Variants in FOLR3 observed in about 807,000 individuals in gnomAD.
The protein encoded by FOLR3 is folate receptor gamma, also known as folate receptor 3 (gamma).
A neutral mutation model predicts 20.0 loss-of-function variants in FOLR3; 9 were observed. The ratio of observed to expected loss-of-function variants is 0.45; its 90% CI spans 0.27 to 0.79. FOLR3 has a LOEUF of 0.79. FOLR3 is among the 30% of genes least tolerant of loss of function. The pLI is 0.15. For missense variants in FOLR3, 309 were observed against 323.5 expected (o/e 0.96, Z 0.34); for synonymous variants, 124 against 115.5 (o/e 1.07, Z -0.47).
intron 2 of FOLR3, 126 bp from the exon 3 acceptor site, chr11:72,138,835 G>T: frequency 9.2e-7 from 1 of 1,083,018 alleles, no homozygotes; most frequent in South Asian, 1.4e-5. Flanking sequence ...GTCCCCAGGT[G>T]GGAGCTCCTC....
At chr11:72,135,805 G>C in intron 1 of FOLR3, 37 bp downstream of exon 1, 1 of 856,598 alleles carries the variant, frequency 1.2e-6, no homozygotes, top group Admixed American at 2.0e-5. Context: ...TACACGCAGC[G>C]CATTTCTTGG....
chr11:72,135,789 C>T (rs1947734686), intron 1 of FOLR3, 21 bp downstream of exon 1: 2 of 753,140 alleles, frequency 2.7e-6, no homozygotes, highest in South Asian at 3.3e-5. Flanking sequence ...GGCTCCCTCT[C>T]ACCTCTACAC....
chr11:72,139,729 G>A lies in FOLR3; in HGVS notation c.636G>A (p.Met212Ile), dbSNP rs758461461. 1.2e-6 allele frequency: 2 copies of A among 1,614,000 alleles called. No homozygotes were observed. The highest frequency in any genetic ancestry group is 2.2e-5 in the South Asian group (2 of 91,080). ...YSRGSGRCIQ[M>I]WFDSAQGNPN... ...GAGGGAGCGGCCGCTGCATCCAGAT[G>A]TGGTTTGACTCAGCCCAGGGCAACC... Residue 212 changes from methionine (M) to isoleucine (I), a missense_variant, in exon 5 of 5, where the codon ATG becomes ATA. Coordinates refer to ENST00000611028, the MANE Select transcript of FOLR3 (RefSeq NM_000804.4).
chr11:72,139,588 G>A lies in FOLR3; in HGVS notation c.495G>A (p.Gly165=), dbSNP rs757546474. The change falls in exon 5 of 5, where the codon GGG becomes GGA. Residue 165 remains glycine, a splice_region_variant and synonymous_variant. Coordinates refer to ENST00000611028, the MANE Select transcript of FOLR3 (RefSeq NM_000804.4). The part of the protein sequence containing the change: ...NWHKGWNWTS[G]INECPAGALC... Reference sequence around the variant, plus strand: ...GGGTCTTACGTTCTCCTCCCTCAGGGATTAATGAGTGTCCGGCCGGGGCCC... The same window carrying A: ...GGGTCTTACGTTCTCCTCCCTCAGGAATTAATGAGTGTCCGGCCGGGGCCC... 6.2e-7 allele frequency: 1 copy of A among 1,613,934 alleles called. No individual in the cohort carries two copies. Among genetic ancestry groups the A allele is most frequent in the Admixed American group, 1.7e-5 (1 of 60,024 alleles).
chr11:72,138,238 T>C (rs577243982), intron 2 of FOLR3, among the ~76,000 whole-genome samples: 48 of 152,100 alleles, frequency 3.2e-4, no homozygotes, highest in Middle Eastern at 3.4e-3. Context: ...TGGTGGCACG[T>C]GCCTGTAATC....
intron 2 of FOLR3, among the ~76,000 whole-genome samples, chr11:72,137,714 G>A (rs577120309): frequency 6.6e-5 from 10 of 152,072 alleles, no homozygotes; most frequent in Admixed American, 6.5e-4. Context: ...GGCTGGTCTC[G>A]AACTTCTAAC....
intron 2 of FOLR3, among the ~76,000 whole-genome samples, chr11:72,137,351 G>C (rs745629583): frequency 6.6e-6 from 1 of 151,766 alleles, no homozygotes; most frequent in South Asian, 2.1e-4. Context: ...TAGCTCCTTC[G>C]TTCTCCACCA....
intron 2 of FOLR3, 39 bp downstream of exon 2, chr11:72,136,159 C>T: frequency 6.2e-7 from 1 of 1,606,812 alleles, no homozygotes; most frequent in Non-Finnish European, 8.5e-7. Flanking sequence ...GCACACAGGT[C>T]AGAGGGTGAT....
rs373698618 is a variant in FOLR3, at chr11:72,139,578, C to T, written c.494-9C>T. On this transcript the variant is annotated splice_polypyrimidine_tract_variant and intron_variant, in intron 4 of 4. Coordinates refer to ENST00000611028, the MANE Select transcript of FOLR3 (RefSeq NM_000804.4). ...CAGAAGCTAAGGGTCTTACGTTCTCCTCCCTCAGGGATTAATGAGTGTCCG... is the reference window on the plus strand; with the variant it reads ...CAGAAGCTAAGGGTCTTACGTTCTCTTCCCTCAGGGATTAATGAGTGTCCG... 6.9e-5 allele frequency: 111 copies of T among 1,613,770 alleles called. No individual in the cohort carries two copies. In the African/African-American group the frequency reaches 1.4e-3, roughly 21 times the overall value.
intron 1 of FOLR3, 45 bp from the exon 2 acceptor site, chr11:72,135,902 C>G: frequency 6.3e-7 from 1 of 1,582,662 alleles, no homozygotes; most frequent in Non-Finnish European, 8.7e-7. Context: ...TGGCTGTTGC[C>G]CCTGTCTCAG....
Position 72,139,592 on chromosome 11 carries a change from A to C in FOLR3, c.499A>C (p.Asn167His), listed in dbSNP as rs1947791163. The C allele has an allele frequency of 5.0e-6, 8 of 1,613,818 alleles. No homozygotes were observed. The highest frequency in any genetic ancestry group is 6.8e-6 in the Non-Finnish European group (8 of 1,179,872). The change falls in exon 5 of 5, where the codon AAT (asparagine) becomes CAT (histidine). Residue 167 changes from asparagine to histidine, a missense_variant. Asn to His is a moderately conservative substitution (Grantham distance 68). Coordinates refer to ENST00000611028, the MANE Select transcript of FOLR3 (RefSeq NM_000804.4). ...CTTACGTTCTCCTCCCTCAGGGATT[A>C]ATGAGTGTCCGGCCGGGGCCCTCTG... Reference protein sequence around the residue: ...HKGWNWTSGINECPAGALCST... With the variant: ...HKGWNWTSGIHECPAGALCST...
At chr11:72,139,276 C>T in intron 3 of FOLR3, 71 bp from the exon 4 acceptor site, 2 of 1,569,446 alleles carry the variant, frequency 1.3e-6, no homozygotes, top group Admixed American at 1.8e-5. Context: ...TCCCACAGCT[C>T]TGGTCCCCTT....
chr11:72,136,201 G>A, intron 2 of FOLR3, 81 bp downstream of exon 2: 1 of 1,523,882 alleles, frequency 6.6e-7, no homozygotes, highest in Non-Finnish European at 9.0e-7. Context: ...AGTGTGGTCA[G>A]AACCAAGGGT....
At chr11:72,139,888 A>ATGTGTCT in exon 5 of FOLR3, 4 of 1,590,634 alleles carry the variant, frequency 2.5e-6, no homozygotes, top group South Asian at 2.2e-5. Flanking sequence ...ACAAATCCAC[A>ATGTGTCT]TGTGTCTTGT....
In FOLR3 at chr11:72,139,089, C is replaced by T. The variant is rs1947781482; in HGVS notation, c.297C>T (p.His99=). The part of the protein sequence containing the change: ...CGKMEPTCKR[H]FIQDSCLYEC... ...AGATGGAACCCACCTGCAAGCGCCA[C>T]TTTATCCAGGACAGCTGTCTCTATG... Residue 99 remains histidine (H), a synonymous_variant, in exon 3 of 5, where the codon CAC becomes CAT. Coordinates refer to ENST00000611028, the MANE Select transcript of FOLR3 (RefSeq NM_000804.4). The T allele has an allele frequency of 1.9e-6, 3 of 1,570,890 alleles. No homozygotes were observed. Among genetic ancestry groups the T allele is most frequent in the South Asian group, 1.1e-5 (1 of 88,938 alleles).
At chr11:72,139,509 G>T (rs1947789738) in intron 4 of FOLR3, 27 bp downstream of exon 4, 1 of 1,613,348 alleles carries the variant, frequency 6.2e-7, no homozygotes, top group Admixed American at 1.7e-5. Context: ...ATAAGATGAG[G>T]AGTGGGAGTG....
Position 72,139,051 on chromosome 11 carries a change from G to T in FOLR3, c.259G>T (p.Asp87Tyr), listed in dbSNP as rs200810395. The T allele has an allele frequency of 1.2e-4, 187 of 1,613,902 alleles. No homozygotes were observed. The highest frequency in any genetic ancestry group is 1.9e-5 in the Non-Finnish European group (22 of 1,179,908). Residue 87 changes from aspartate to tyrosine, a missense_variant, in exon 3 of 5, where the codon GAT becomes TAT. Physicochemically the swap from Asp to Tyr is radical, Grantham distance 160. Transcript: ENST00000611028. Reference sequence around the variant, plus strand: ...CTCCCGCCTGTACAACTTTAACTGGGATCACTGTGGTAAGATGGAACCCAC... The same window carrying T: ...CTCCCGCCTGTACAACTTTAACTGGTATCACTGTGGTAAGATGGAACCCAC... ...DTSRLYNFNW[D>Y]HCGKMEPTCK...
At position 72,139,338 on chromosome 11, in the gene FOLR3, C is replaced by A; in HGVS notation, c.358-9C>A. 6.2e-7 allele frequency: 1 copy of A among 1,610,188 alleles called. No individual in the cohort carries two copies. Among genetic ancestry groups the A allele is most frequent in the Non-Finnish European group, 8.5e-7 (1 of 1,177,998 alleles). On this transcript the variant is annotated splice_polypyrimidine_tract_variant and intron_variant, in intron 3 of 4. Coordinates refer to ENST00000611028, the MANE Select transcript of FOLR3 (RefSeq NM_000804.4). ...GCTGACAGGAGTATTCTGTCTCCTC[C>A]CCACTCAGGTCAACCAGAGCTGGCG... is the stretch of plus-strand genomic sequence containing the variant.
chr11:72,139,794 A>G lies in FOLR3; in HGVS notation c.701A>G (p.Asn234Ser). The G allele has an allele frequency of 6.2e-7, 1 of 1,613,980 alleles. No homozygotes were observed. ...EVAKFYAAAM[N>S]AGAPSRGIID... ...GCCAAGTTCTATGCTGCGGCCATGA[A>G]TGCTGGGGCCCCGTCTCGTGGGATT... is the stretch of plus-strand genomic sequence containing the variant. The change falls in exon 5 of 5, where the codon AAT (asparagine) becomes AGT (serine). Residue 234 changes from asparagine to serine, a missense_variant. Coordinates refer to ENST00000611028, the MANE Select transcript of FOLR3 (RefSeq NM_000804.4).
Sources: allele counts gnomAD v4.1 joint callset (sites outside exome capture counted in the v4.1 genomes callset), GRCh38; gene constraint gnomAD v4.1.1; transcripts MANE v1.5; gene names NCBI Gene and HGNC (gene_info 2026-07-23, HGNC 2026-07-21).